The following GALNT13 variants were observed in gnomAD, a reference collection of about 807,000 sequenced individuals.
GALNT13 encodes polypeptide N-acetylgalactosaminyltransferase 13.
A neutral mutation model predicts 64.2 loss-of-function variants in GALNT13; 28 were observed. That is an observed-to-expected ratio of 0.44 (90% CI 0.32 to 0.60). GALNT13 has a LOEUF of 0.60. Among genes scored for constraint, GALNT13 ranks in the 20% least tolerant of loss-of-function variants. The pLI is 0.05. For synonymous variants in GALNT13, 214 were observed against 224.6 expected (o/e 0.95, Z 0.42); for missense variants, 577 against 669.8 (o/e 0.86, Z 1.53).
chr2:153,353,194 T>A, the GALNT13 span, among the ~76,000 whole-genome samples: 1 of 152,194 alleles, frequency 6.6e-6, no homozygotes, highest in African/African-American at 2.4e-5. Flanking sequence ...GATTTCTACT[T>A]AAGTTTTCAT....
chr2:153,125,559 A>G, the GALNT13 span, among the ~76,000 whole-genome samples: 1 of 152,208 alleles, frequency 6.6e-6, no homozygotes, highest in Non-Finnish European at 1.5e-5. Flanking sequence ...TAATATAGTG[A>G]TTTTAAGTAT....
chr2:153,282,051 T>C, the GALNT13 span, among the ~76,000 whole-genome samples: 1 of 152,096 alleles, frequency 6.6e-6, no homozygotes, highest in Non-Finnish European at 1.5e-5. Context: ...GATTCCTAGG[T>C]TCAGTCACTT....
chr2:154,409,872 T>A (rs1433981276), intron 11 of GALNT13, among the ~76,000 whole-genome samples: 1 of 151,936 alleles, frequency 6.6e-6, no homozygotes, highest in Non-Finnish European at 1.5e-5. Context: ...CAATTATGGT[T>A]ATATTTGTGT....
intron 3 of GALNT13, among the ~76,000 whole-genome samples, chr2:153,973,161 A>T (rs1450964559): frequency 6.6e-6 from 1 of 150,734 alleles, no homozygotes; most frequent in East Asian, 1.9e-4. Flanking sequence ...TACATCAATT[A>T]TCAAAGTTAG....
chr2:153,882,810 T>C (rs1325836736), intron 1 of GALNT13, among the ~76,000 whole-genome samples: 3 of 151,568 alleles, frequency 2.0e-5, no homozygotes, highest in Admixed American at 2.0e-4. Context: ...TATAATTTTG[T>C]AGAAATGGGG....
At chr2:153,190,186 G>GACCAA in the GALNT13 span, among the ~76,000 whole-genome samples, 1 of 151,984 alleles carries the variant, frequency 6.6e-6, no homozygotes, top group East Asian at 1.9e-4. Flanking sequence ...ATGTCCTATA[G>GACCAA]TGTTTCCCGT....
At chr2:154,442,404 A>G (rs1220931298) in intron 12 of GALNT13, among the ~76,000 whole-genome samples, 1 of 152,076 alleles carries the variant, frequency 6.6e-6, no homozygotes, top group Non-Finnish European at 1.5e-5. Context: ...ATAGTCCTTA[A>G]ATAACCACGA....
chr2:154,030,082 G>C (rs549874156), intron 3 of GALNT13, among the ~76,000 whole-genome samples: 4 of 152,088 alleles, frequency 2.6e-5, no homozygotes, highest in African/African-American at 7.2e-5. Flanking sequence ...CAGAGAACAG[G>C]ACCAAAGAAA....
intron 3 of GALNT13, among the ~76,000 whole-genome samples, chr2:154,060,503 A>G (rs1364209500): frequency 1.3e-5 from 2 of 152,030 alleles, no homozygotes; most frequent in African/African-American, 4.8e-5. Context: ...CTAAGGGCAC[A>G]TGCCACTATG....
chr2:154,142,447 G>A (rs1261674962), intron 4 of GALNT13, among the ~76,000 whole-genome samples: 1 of 150,762 alleles, frequency 6.6e-6, no homozygotes, highest in Non-Finnish European at 1.5e-5. Context: ...TACTCAGGAG[G>A]CTGAGGCAGG....
the GALNT13 span, among the ~76,000 whole-genome samples, chr2:153,507,515 G>A: frequency 3.3e-5 from 5 of 152,034 alleles, no homozygotes; most frequent in Admixed American, 6.5e-5. Context: ...TCCTGATCTC[G>A]TGATCCACTA....
chr2:153,314,174 A>G, the GALNT13 span, among the ~76,000 whole-genome samples: 1 of 152,232 alleles, frequency 6.6e-6, no homozygotes, highest in African/African-American at 2.4e-5. Context: ...TCTAAGCAGC[A>G]TATTTGAAGA....
At chr2:153,182,179 G>A in the GALNT13 span, among the ~76,000 whole-genome samples, 2 of 151,934 alleles carry the variant, frequency 1.3e-5, no homozygotes, top group Admixed American at 1.3e-4. Flanking sequence ...AAGTAGCTGG[G>A]ACTACAGGTG....
At chr2:154,397,495 T>A (rs1699109639) in intron 10 of GALNT13, among the ~76,000 whole-genome samples, 1 of 152,156 alleles carries the variant, frequency 6.6e-6, no homozygotes, top group Non-Finnish European at 1.5e-5. Flanking sequence ...AGTAAACATA[T>A]TCTTAGATTT....
the GALNT13 span, among the ~76,000 whole-genome samples, chr2:153,146,961 CCTTA>C: frequency 6.6e-6 from 1 of 151,738 alleles, no homozygotes; most frequent in African/African-American, 2.4e-5. Flanking sequence ...TATTTATATT[CCTTA>C]CTATTTTCAC....
At chr2:154,148,724 C>A (rs1237177234) in intron 4 of GALNT13, among the ~76,000 whole-genome samples, 1 of 152,176 alleles carries the variant, frequency 6.6e-6, no homozygotes. Context: ...TAAATGTCTT[C>A]TTTTGAGAAG....
the GALNT13 span, among the ~76,000 whole-genome samples, chr2:153,254,654 T>G: frequency 6.6e-6 from 1 of 152,150 alleles, no homozygotes; most frequent in African/African-American, 2.4e-5. Flanking sequence ...GTCCCAGAGA[T>G]TCTGGTATGT....
intron 8 of GALNT13, among the ~76,000 whole-genome samples, chr2:154,277,052 T>G (rs1056701748): frequency 6.6e-6 from 1 of 152,200 alleles, no homozygotes; most frequent in Non-Finnish European, 1.5e-5. Flanking sequence ...ACTCCTACTT[T>G]GTTCTTTGAG....
chr2:153,444,764 A>C, the GALNT13 span, among the ~76,000 whole-genome samples: 1 of 152,134 alleles, frequency 6.6e-6, no homozygotes, highest in Non-Finnish European at 1.5e-5. Context: ...GCTATGTATC[A>C]GTGTTTTTTT....
Sources: allele counts gnomAD v4.1 joint callset (sites outside exome capture counted in the v4.1 genomes callset), GRCh38; gene constraint gnomAD v4.1.1; transcripts MANE v1.5; gene names NCBI Gene and HGNC (gene_info 2026-07-23, HGNC 2026-07-21).